Variants in QTGAL observed in about 807,000 individuals in gnomAD.
QTGAL encodes the protein BGnT-like protein 1.
the QTGAL span, chr17:82,948,480 T>G: frequency 6.6e-6 from 1 of 152,374 alleles, no homozygotes; most frequent in African/African-American, 2.4e-5. Flanking sequence ...TGGCGTGGCC[T>G]CTGGGTGGGG....
chr17:83,021,338 CA>C, the QTGAL span, among the ~76,000 whole-genome samples: 89,202 of 149,340 alleles, frequency 0.6, 26,470 homozygotes, highest in South Asian at 0.65. Flanking sequence ...AAAGAATATG[CA>C]AAAAAAAAAC....
At chr17:82,962,580 T>C in the QTGAL span, among the ~76,000 whole-genome samples, 2,393 of 53,828 alleles carry the variant, frequency 0.044, 19 homozygotes, top group African/African-American at 0.052. Flanking sequence ...GAGGTTCCTG[T>C]GGGTGCTGGT....
the QTGAL span, among the ~76,000 whole-genome samples, chr17:82,999,262 A>C: frequency 6.6e-6 from 1 of 150,864 alleles, no homozygotes; most frequent in Non-Finnish European, 1.5e-5. Flanking sequence ...AGGCTTGTAC[A>C]TATGTTCACT....
the QTGAL span, chr17:82,960,915 C>G: frequency 1.5e-6 from 2 of 1,294,648 alleles, no homozygotes; most frequent in Non-Finnish European, 2.1e-6. Context: ...GCTGTTGCCC[C>G]GTGTCCCACC....
At chr17:82,968,794 G>A in the QTGAL span, among the ~76,000 whole-genome samples, 428 of 152,254 alleles carry the variant, frequency 2.8e-3, 2 homozygotes, top group African/African-American at 9.4e-3. Flanking sequence ...GAGGTCGGGA[G>A]TTCGAGACCA....
At chr17:83,005,672 C>A in the QTGAL span, 1 of 704,558 alleles carries the variant, frequency 1.4e-6, no homozygotes, top group South Asian at 1.5e-5. The surrounding 1 kb of genome is among the most constrained non-coding windows in gnomAD (Gnocchi z 5.6). Context: ...AGCAGCGTCC[C>A]TAAGTGGAGA....
the QTGAL span, among the ~76,000 whole-genome samples, chr17:83,051,499 C>T: frequency 6.6e-6 from 1 of 152,188 alleles, no homozygotes; most frequent in African/African-American, 2.4e-5. Flanking sequence ...GGGCAGGAAG[C>T]GCAGCCGGAG....
At chr17:83,002,510 G>A in the QTGAL span, among the ~76,000 whole-genome samples, 2 of 152,162 alleles carry the variant, frequency 1.3e-5, no homozygotes, top group African/African-American at 4.8e-5. Context: ...CAGGACACGC[G>A]CCCTCGGCCG....
chr17:82,983,823 C>T, the QTGAL span, among the ~76,000 whole-genome samples: 4 of 152,212 alleles, frequency 2.6e-5, no homozygotes, highest in African/African-American at 9.7e-5. Flanking sequence ...GCCCTAACTC[C>T]CAATGTGACT....
At chr17:82,947,423 T>C in the QTGAL span, 56,253 of 164,132 alleles carry the variant, frequency 0.34, 9,853 homozygotes, top group South Asian at 0.51. Flanking sequence ...CTGTCTGATC[T>C]CCTCTGGCCT....
the QTGAL span, among the ~76,000 whole-genome samples, chr17:83,027,651 G>A: frequency 1.5e-5 from 2 of 129,910 alleles, no homozygotes; most frequent in African/African-American, 3.0e-5. Context: ...ACAGTGAGTC[G>A]AGATTGGGCC....
the QTGAL span, among the ~76,000 whole-genome samples, chr17:82,968,272 C>T: frequency 2.1e-4 from 32 of 152,308 alleles, 1 homozygote; most frequent in African/African-American, 4.6e-4. Context: ...CCCAAATGTC[C>T]GTCAACAGTG....
the QTGAL span, chr17:82,942,598 T>A: frequency 8.3e-7 from 1 of 1,210,310 alleles, no homozygotes; most frequent in Non-Finnish European, 1.2e-6. Flanking sequence ...AGGCTGGCAC[T>A]AGCTGACAGC....
chr17:83,044,502 C>T, the QTGAL span, among the ~76,000 whole-genome samples: 3 of 152,188 alleles, frequency 2.0e-5, no homozygotes, highest in Admixed American at 1.3e-4. Flanking sequence ...TAAGAAATGG[C>T]ATTTATAAAA....
the QTGAL span, chr17:83,005,224 C>T: frequency 1.8e-4 from 294 of 1,594,392 alleles, no homozygotes; most frequent in South Asian, 5.4e-4. The surrounding 1 kb of genome is among the most constrained non-coding windows in gnomAD (Gnocchi z 5.6). Flanking sequence ...TGAAAAACAA[C>T]GGCAGACAGA....
chr17:82,989,049 C>T, the QTGAL span, among the ~76,000 whole-genome samples: 1 of 152,140 alleles, frequency 6.6e-6, no homozygotes, highest in Non-Finnish European at 1.5e-5. Context: ...GGTACATGCA[C>T]GCGTATGTTC....
chr17:82,982,955 G>T, the QTGAL span, among the ~76,000 whole-genome samples: 9 of 152,194 alleles, frequency 5.9e-5, no homozygotes, highest in African/African-American at 2.2e-4. Flanking sequence ...GAGATGGGGG[G>T]TACATAGGAA....
At chr17:82,985,729 C>A in the QTGAL span, among the ~76,000 whole-genome samples, 1 of 152,170 alleles carries the variant, frequency 6.6e-6, no homozygotes, top group African/African-American at 2.4e-5. Flanking sequence ...AAATCAGGAG[C>A]CCAGGGTTGA....
the QTGAL span, among the ~76,000 whole-genome samples, chr17:82,985,593 C>T: frequency 1.3e-5 from 2 of 152,184 alleles, no homozygotes; most frequent in African/African-American, 2.4e-5. Context: ...ACCGTTTTCA[C>T]GTGACTCCTG....
Sources: allele counts gnomAD v4.1 joint callset (sites outside exome capture counted in the v4.1 genomes callset), GRCh38; gene constraint gnomAD v4.1.1; non-coding constraint Gnocchi (gnomAD v3.1); transcripts MANE v1.5; gene names NCBI Gene and HGNC (gene_info 2026-07-23, HGNC 2026-07-21).